The following SMAD2 variants were observed in gnomAD, a reference collection of about 807,000 sequenced individuals.
The protein encoded by SMAD2 is MAD homolog 2.
A neutral mutation model predicts 64.4 loss-of-function variants in SMAD2; 8 were observed. The observed-to-expected ratio is 0.12, with a 90% CI of 0.07 to 0.22. The LOEUF (loss-of-function observed/expected upper bound fraction) is 0.22. SMAD2 is among the 10% of genes least tolerant of loss of function. The probability of loss-of-function intolerance (pLI) is 1.00; values close to 1 mark genes in which losing one functional copy is unlikely to be tolerated. For synonymous variants in SMAD2, 203 were observed against 195.8 expected (o/e 1.04, Z -0.31); for missense variants, 289 against 561.2 (o/e 0.51, Z 4.90).
At chr18:47,927,274 G>A (rs2144558353) in intron 1 of SMAD2, among the ~76,000 whole-genome samples, 1 of 151,216 alleles carries the variant, frequency 6.6e-6, no homozygotes, top group African/African-American at 2.4e-5. Context: ...CAAAACTGGT[G>A]CCAAGGTCCC....
chr18:47,872,326 T>G (rs1346890547), intron 2 of SMAD2, among the ~76,000 whole-genome samples: 1 of 152,078 alleles, frequency 6.6e-6, no homozygotes, highest in South Asian at 2.1e-4. Context: ...TAATAAAACA[T>G]AGAGCCCTCT....
chr18:47,884,723 G>C (rs2032791399), intron 2 of SMAD2, among the ~76,000 whole-genome samples: 1 of 152,060 alleles, frequency 6.6e-6, no homozygotes. Context: ...GGAGACAACA[G>C]AACTTCCATA....
rs1913763047 is a variant in SMAD2, at chr18:47,839,734, T to C, written c.*2093A>G. 8.6e-6 allele frequency: 2 copies of C among 233,392 alleles called. No individual in the cohort carries two copies. The highest frequency in any genetic ancestry group is 4.4e-5 in the African/African-American group (2 of 45,490). The allele number at this position is 233,392 out of a possible 1,614,324, so 14.5% of individuals were successfully genotyped here. A position where few individuals can be genotyped will look rare whatever the true frequency, so the allele number is the denominator to read the frequency against. On this transcript the variant is annotated 3_prime_UTR_variant, in exon 11 of 11. Transcript: ENST00000262160. ...TGTATAGAGGTTTCTGTATAAAGCA[T>C]TAATACCTAATCAGGAGTTTCCTTT...
At chr18:47,867,408 A>G (rs114345809) in intron 5 of SMAD2, 2 of 152,142 alleles carry the variant, frequency 1.3e-5, no homozygotes, top group African/African-American at 2.4e-5. Flanking sequence ...TGATGGATAC[A>G]TGAAAGAAAT....
chr18:47,890,818 G>C (rs1009783251), intron 2 of SMAD2, among the ~76,000 whole-genome samples: 3 of 152,188 alleles, frequency 2.0e-5, no homozygotes, highest in Admixed American at 2.0e-4. Context: ...TTATGAAAAA[G>C]CAGTTGCTTA....
intron 1 of SMAD2, among the ~76,000 whole-genome samples, chr18:47,921,116 C>T (rs2034542420): frequency 1.3e-5 from 2 of 152,160 alleles, no homozygotes; most frequent in South Asian, 4.1e-4. Context: ...GTGATCACAC[C>T]ACTGCACTCC....
Position 47,831,001 on chromosome 18 carries a change from T to C in SMAD2, c.*10826A>G, listed in dbSNP as rs1323278819. The C allele has an allele frequency of 6.6e-6, 1 of 152,398 alleles. No individual in the cohort carries two copies. Among genetic ancestry groups the C allele is most frequent in the Non-Finnish European group, 1.5e-5 (1 of 68,182 alleles). The allele number at this position is 152,398 out of a possible 1,614,324, so 9.4% of individuals were successfully genotyped here. A position where few individuals can be genotyped will look rare whatever the true frequency, so the allele number is the denominator to read the frequency against. On this transcript the variant is annotated 3_prime_UTR_variant, in exon 11 of 11. Coordinates refer to ENST00000262160, the MANE Select transcript of SMAD2 (RefSeq NM_005901.6). ...GGGTTTATATGTAGCAACTTCCTCA[T>C]CCTCATTCCACAGGTAGCCCGTTCT... is the stretch of plus-strand genomic sequence containing the variant.
chr18:47,917,635 C>T (rs1392082729), intron 1 of SMAD2, among the ~76,000 whole-genome samples: 1 of 152,062 alleles, frequency 6.6e-6, no homozygotes, highest in African/African-American at 2.4e-5. Context: ...TATTTCAATT[C>T]TTTTGGAGAG....
rs182110457 is a variant in SMAD2, at chr18:47,821,555, T to C, written c.*20272A>G. Reference sequence around the variant, plus strand: ...TAGCTTTCTTATTTACATTCCTCTATAAGGCGTACACTCATAACCTTGGAA... The same window carrying C: ...TAGCTTTCTTATTTACATTCCTCTACAAGGCGTACACTCATAACCTTGGAA... On this transcript the variant is annotated 3_prime_UTR_variant, in exon 11 of 11. Coordinates refer to ENST00000262160, the MANE Select transcript of SMAD2 (RefSeq NM_005901.6). 17 of 152,334 alleles carry C rather than the reference T, an allele frequency of 1.1e-4. No individual in the cohort carries two copies. In the East Asian group the frequency reaches 2.9e-3, roughly 26 times the overall value. 9.4% of individuals were successfully genotyped at this position (152,334 alleles called of 1,614,324 possible).
intron 4 of SMAD2, among the ~76,000 whole-genome samples, chr18:47,868,961 G>A (rs2031762514): frequency 6.6e-6 from 1 of 152,190 alleles, no homozygotes; most frequent in Non-Finnish European, 1.5e-5. Context: ...GCAGGGACAT[G>A]TAGAAGCACA....
intron 8 of SMAD2, among the ~76,000 whole-genome samples, chr18:47,847,289 G>C (rs1224648516): frequency 1.3e-5 from 2 of 152,044 alleles, no homozygotes; most frequent in African/African-American, 2.4e-5. Flanking sequence ...CCAAGTAATA[G>C]ATCTTCTAGT....
At chr18:47,881,033 T>C (rs1163695229) in intron 2 of SMAD2, among the ~76,000 whole-genome samples, 12 of 152,208 alleles carry the variant, frequency 7.9e-5, no homozygotes, top group African/African-American at 2.9e-4. Context: ...CTTGGTTTTG[T>C]GTTGGAATTT....
At chr18:47,889,114 A>G (rs900257516) in intron 2 of SMAD2, among the ~76,000 whole-genome samples, 2 of 151,994 alleles carry the variant, frequency 1.3e-5, no homozygotes, top group African/African-American at 4.8e-5. Context: ...AGAGAAAAAG[A>G]AAAAAAAGGA....
In SMAD2 at chr18:47,817,678, CT is replaced by C. The variant is rs1487427764; in HGVS notation, c.*24148del. 5 of 152,316 alleles carry C rather than the reference CT, an allele frequency of 3.3e-5. No individual in the cohort carries two copies. The highest frequency in any genetic ancestry group is 1.3e-4 in the Admixed American group (2 of 15,296). The allele number at this position is 152,316 out of a possible 1,614,324, so 9.4% of individuals were successfully genotyped here. A position where few individuals can be genotyped will look rare whatever the true frequency, so the allele number is the denominator to read the frequency against. ...TTCTGTGTTTATATTATTTTTTAAT[CT>C]GCATGACTGGGTTAACACTTTTGGG... On this transcript the variant is annotated 3_prime_UTR_variant, in exon 11 of 11. Coordinates refer to ENST00000262160, the MANE Select transcript of SMAD2 (RefSeq NM_005901.6).
intron 1 of SMAD2, among the ~76,000 whole-genome samples, chr18:47,910,866 G>C (rs1250388483): frequency 6.6e-6 from 1 of 152,114 alleles, no homozygotes; most frequent in Non-Finnish European, 1.5e-5. Flanking sequence ...AGAGTCAAAA[G>C]TTATACACAG....
chr18:47,891,220 G>A (rs1027570565), intron 2 of SMAD2, among the ~76,000 whole-genome samples: 3 of 152,170 alleles, frequency 2.0e-5, no homozygotes, highest in Admixed American at 6.5e-5. Flanking sequence ...CAGGTGAATC[G>A]CTTGAACCTG....
intron 3 of SMAD2, 56 bp from the exon 4 acceptor site, chr18:47,869,492 A>C: frequency 1.1e-6 from 1 of 942,102 alleles, no homozygotes; most frequent in Admixed American, 2.1e-5. Context: ...AAAAAAAAAA[A>C]GTGCAGTCAA....
intron 2 of SMAD2, among the ~76,000 whole-genome samples, chr18:47,884,850 C>T (rs79577009): frequency 0.049 from 7,382 of 152,124 alleles, 584 homozygotes; most frequent in East Asian, 0.21. Flanking sequence ...AAAAAACTTT[C>T]TCAATATTTT....
rs1040930706 is a variant in SMAD2 at position 47,834,336 on chromosome 18, C to T, written c.*7491G>A. 3 of 208,104 alleles carry T rather than the reference C, an allele frequency of 1.4e-5. No individual in the cohort carries two copies. Among genetic ancestry groups the T allele is most frequent in the Admixed American group, 5.9e-5 (1 of 16,896 alleles). 12.9% of individuals were successfully genotyped at this position (208,104 alleles called of 1,614,324 possible). ...AAGATATGTACTCTCAATGGAGAAT[C>T]GCTTTTGGGCAGTGGTTAAGGCCTC... On this transcript the variant is annotated 3_prime_UTR_variant, in exon 11 of 11. Coordinates refer to ENST00000262160, the MANE Select transcript of SMAD2 (RefSeq NM_005901.6).
Sources: gnomAD v4.1 joint callset for allele counts (sites outside exome capture counted in the v4.1 genomes callset) on GRCh38, gnomAD v4.1.1 for gene constraint, MANE v1.5 for transcripts, NCBI Gene and HGNC (gene_info 2026-07-23, HGNC 2026-07-21) for gene names.